Variants in FZD3 observed in about 807,000 individuals in gnomAD.
FZD3 encodes the protein frizzled class receptor 3.
FZD3 carries 30 observed loss-of-function variants against 60.7 expected under a neutral mutation model. The observed-to-expected ratio is 0.49, with a 90% CI of 0.37 to 0.67. The LOEUF (loss-of-function observed/expected upper bound fraction) is 0.67. Among genes scored for constraint, FZD3 ranks in the 30% least tolerant of loss-of-function variants. The pLI, the probability that FZD3 is intolerant of heterozygous loss-of-function variation, is 0.00. For missense variants in FZD3, 605 were observed against 838.7 expected (o/e 0.72, Z 3.44); for synonymous variants, 246 against 275.2 (o/e 0.89, Z 1.05).
intron 1 of FZD3, among the ~76,000 whole-genome samples, chr8:28,495,484 T>A (rs1444054593): frequency 6.6e-6 from 1 of 152,186 alleles, no homozygotes. Flanking sequence ...AAAGCCAATA[T>A]GATATGAGCA....
In FZD3 at chr8:28,523,210, A is replaced by C. The variant is rs555446760; in HGVS notation, c.386+2376A>C. Among the ~76,000 whole-genome samples, 5 of 152,274 alleles carry C rather than the reference A, an allele frequency of 3.3e-5. 1 individual carries two copies. The highest frequency in any genetic ancestry group is 1.2e-4 in the African/African-American group (5 of 41,558). On this transcript the variant is annotated intron_variant, in intron 4 of 7. Transcript: ENST00000240093. The stretch of plus-strand genomic sequence containing the variant: ...GGTAAATTATAAATAATAGAAATTT[A>C]TTTGTTATGGTTTGGGCGCTGGAGA...
At chr8:28,521,825 T>C (rs1804588291) in intron 4 of FZD3, among the ~76,000 whole-genome samples, 1 of 152,218 alleles carries the variant, frequency 6.6e-6, no homozygotes, top group Non-Finnish European at 1.5e-5. Context: ...TTATTTAGCC[T>C]TCTACTGATG....
rs146950723 is a variant in FZD3, at chr8:28,562,880, A to G, written c.1870A>G (p.Ser624Gly). The G allele has an allele frequency of 7.2e-5, 116 of 1,613,514 alleles. No homozygotes were observed. The African/African-American group carries it at 1.5e-3, about 21-fold the overall frequency. The change falls in exon 8 of 8, where the codon AGT (serine) becomes GGT (glycine). Residue 624 changes from serine (S) to glycine (G), a missense_variant. Transcript: ENST00000240093. ...MSRLTDHSRH[S>G]SSHRLNEQSR... ...ACGACTAACAGATCACTCCAGGCATAGTAGTTCTCATCGGCTCAATGAACA... is the reference window on the plus strand; with the variant it reads ...ACGACTAACAGATCACTCCAGGCATGGTAGTTCTCATCGGCTCAATGAACA...
chr8:28,517,795 T>C (rs7832791), intron 3 of FZD3, among the ~76,000 whole-genome samples: 80,743 of 151,912 alleles, frequency 0.53, 21,990 homozygotes, highest in South Asian at 0.63. Flanking sequence ...AATCTTTTAT[T>C]GAAGATATTA....
At chr8:28,525,303 T>C (rs1804688365) in intron 4 of FZD3, among the ~76,000 whole-genome samples, 1 of 152,202 alleles carries the variant, frequency 6.6e-6, no homozygotes, top group Non-Finnish European at 1.5e-5. Context: ...CAATGTCAGA[T>C]GAAAATGAAT....
At chr8:28,556,749 A>G (rs2130467031) in intron 7 of FZD3, among the ~76,000 whole-genome samples, 1 of 152,354 alleles carries the variant, frequency 6.6e-6, no homozygotes, top group Non-Finnish European at 1.5e-5. Flanking sequence ...ATAAAACTTT[A>G]TTTGCAAAAA....
rs1400880344 is a variant in FZD3, at chr8:28,555,952, C to T, written c.1768C>T (p.His590Tyr). ...AGTGAGCAGCTACCACGGCAGCCTC[C>T]ACAGATCACGTGATGGCAGGTGAGT... ...SKVSSYHGSLHRSRDGRYTPC... is the reference protein window; with the variant it reads ...SKVSSYHGSLYRSRDGRYTPC... Residue 590 changes from histidine to tyrosine, a missense_variant, in exon 7 of 8, where the codon CAC becomes TAC. Coordinates refer to ENST00000240093, the MANE Select transcript of FZD3 (RefSeq NM_017412.4). 3.1e-6 allele frequency: 5 copies of T among 1,611,082 alleles called. No individual in the cohort carries two copies. Among genetic ancestry groups the T allele is most frequent in the Non-Finnish European group, 4.2e-6 (5 of 1,177,342 alleles).
At chr8:28,529,843 C>T (rs1222065560) in intron 5 of FZD3, among the ~76,000 whole-genome samples, 1 of 151,906 alleles carries the variant, frequency 6.6e-6, no homozygotes, top group Non-Finnish European at 1.5e-5. Context: ...GTAAATAATC[C>T]AGTTTTCCCT....
intron 5 of FZD3, among the ~76,000 whole-genome samples, chr8:28,547,501 A>G (rs528896330): frequency 6.6e-6 from 1 of 152,342 alleles, no homozygotes; most frequent in East Asian, 1.9e-4. Flanking sequence ...TTACCTCTCC[A>G]TCACCAATAT....
chr8:28,549,192 C>G lies in FZD3; in HGVS notation c.1405-2411C>G, dbSNP rs370542120. 5.3e-5 allele frequency among the ~76,000 whole-genome samples: 8 copies of G among 152,260 alleles called. No homozygotes were observed. The East Asian group carries it at 1.5e-3, about 29-fold the overall frequency. ...TGTCTTTATGTCCAAATTTCCTCCT[C>G]TTATAAGGATACCAGCCAGATTGGG... On this transcript the variant is annotated intron_variant, in intron 5 of 7. Transcript: ENST00000240093.
At chr8:28,508,549 G>A (rs1585949495) in intron 3 of FZD3, among the ~76,000 whole-genome samples, 3 of 151,764 alleles carry the variant, frequency 2.0e-5, no homozygotes, top group Admixed American at 2.0e-4. Flanking sequence ...CACCCAGGCT[G>A]TAGTGTAGTG....
At chr8:28,512,195 A>G (rs1410748608) in intron 3 of FZD3, among the ~76,000 whole-genome samples, 1 of 152,128 alleles carries the variant, frequency 6.6e-6, no homozygotes, top group Non-Finnish European at 1.5e-5. Context: ...GTTTGTACTT[A>G]TAAGTGGTGT....
Position 28,527,148 on chromosome 8 carries a change from T to C in FZD3, c.388T>C (p.Phe130Leu). Residue 130 changes from phenylalanine (F) to leucine (L), a missense_variant and splice_region_variant, in exon 5 of 8, where the codon TTC (phenylalanine) becomes CTC (leucine). By Grantham distance (22) the Phe-to-Leu change is conservative. Coordinates refer to ENST00000240093, the MANE Select transcript of FZD3 (RefSeq NM_017412.4). This position sits in a 1 kb window ranked among gnomAD's most constrained non-coding sequence, Gnocchi z 5.0. ...PWPEDMECSR[F>L]PDCDEPYPRL... ...TTCTCATCTTGTTTTGTTTTTTAGG[T>C]TCCCAGATTGTGATGAGCCATATCC... 1 of 1,597,736 alleles carries C rather than the reference T, an allele frequency of 6.3e-7. No homozygotes were observed. The highest frequency in any genetic ancestry group is 1.1e-5 in the South Asian group (1 of 88,254).
chr8:28,538,904 G>A (rs1805089515), intron 5 of FZD3, among the ~76,000 whole-genome samples: 2 of 151,030 alleles, frequency 1.3e-5, no homozygotes, highest in Non-Finnish European at 2.9e-5. Context: ...TGCTGGAGAA[G>A]CAACTGTGAA....
chr8:28,560,017 G>C (rs544537750), intron 7 of FZD3, among the ~76,000 whole-genome samples: 14 of 152,318 alleles, frequency 9.2e-5, no homozygotes, highest in Non-Finnish European at 1.9e-4. Flanking sequence ...AAAAGGAAGT[G>C]GATAAGTAGG....
At chr8:28,543,142 T>C (rs1805211147) in intron 5 of FZD3, among the ~76,000 whole-genome samples, 1 of 152,244 alleles carries the variant, frequency 6.6e-6, no homozygotes, top group Admixed American at 6.5e-5. Flanking sequence ...ATTGTTCTAA[T>C]TCTGCAATCA....
At chr8:28,522,720 T>A (rs1348690635) in intron 4 of FZD3, among the ~76,000 whole-genome samples, 1 of 151,792 alleles carries the variant, frequency 6.6e-6, no homozygotes, top group Non-Finnish European at 1.5e-5. Context: ...CATTATACCC[T>A]AGGATTGCCT....
chr8:28,530,255 T>G (rs1450188690), intron 5 of FZD3, among the ~76,000 whole-genome samples: 1 of 152,068 alleles, frequency 6.6e-6, no homozygotes, highest in East Asian at 1.9e-4. Context: ...AGTCCTAGCT[T>G]CTTTTCTTAC....
intron 5 of FZD3, among the ~76,000 whole-genome samples, chr8:28,539,654 T>G (rs1414717132): frequency 6.6e-6 from 1 of 152,228 alleles, no homozygotes; most frequent in African/African-American, 2.4e-5. Flanking sequence ...TATGTGGGCT[T>G]TAGGTGACCA....
Sources: gnomAD v4.1 joint callset for allele counts (sites outside exome capture counted in the v4.1 genomes callset) on GRCh38, gnomAD v4.1.1 for gene constraint, Gnocchi (gnomAD v3.1) non-coding constraint, MANE v1.5 for transcripts, NCBI Gene and HGNC (gene_info 2026-07-23, HGNC 2026-07-21) for gene names.